Variants in OGDHL observed in about 807,000 individuals in gnomAD.
OGDHL encodes the protein oxoglutarate dehydrogenase L.
In OGDHL, 79 loss-of-function variants were observed where a neutral mutation model predicts 109.6. That is an observed-to-expected ratio of 0.72 (90% CI 0.60 to 0.87). The LOEUF is 0.87. OGDHL is among the 40% of genes least tolerant of loss of function. OGDHL has a pLI of 0.00. For missense variants in OGDHL, 1,275 were observed against 1,362.2 expected (o/e 0.94, Z 1.01); for synonymous variants, 528 against 537.2 (o/e 0.98, Z 0.24).
rs775448655 is a variant in OGDHL, at chr10:49,736,063, G to A, written c.2869C>T (p.Pro957Ser). 60 of 1,608,246 alleles carry A rather than the reference G, an allele frequency of 3.7e-5. No individual in the cohort carries two copies. The highest frequency in any genetic ancestry group is 4.9e-5 in the Non-Finnish European group (58 of 1,177,166). ...CGCCTCAGGATGGTCATGAAGCGTG[G>A]GCTGATGTAGTCATAGTAGCCCATG... ...KNMGYYDYIS[P>S]RFMTILRRAR... The change falls in exon 22 of 23, where the codon CCA becomes TCA. Residue 957 changes from proline to serine, a missense_variant. Pro to Ser is a moderately conservative substitution (Grantham distance 74, BLOSUM62 -1). Coordinates refer to ENST00000374103, the MANE Select transcript of OGDHL (RefSeq NM_018245.3).
chr10:49,754,148 A>G (rs1245908637), intron 3 of OGDHL, among the ~76,000 whole-genome samples: 1 of 152,188 alleles, frequency 6.6e-6, no homozygotes, highest in Non-Finnish European at 1.5e-5. Context: ...AACCAATAGC[A>G]GGAAACAGCC....
At position 49,738,063 on chromosome 10, in the gene OGDHL, T is replaced by C. The variant is rs776308405; in HGVS notation, c.2401A>G (p.Lys801Glu). Residue 801 changes from lysine (K) to glutamate (E), a missense_variant, in exon 19 of 23, where the codon AAG (lysine) becomes GAG (glutamate). By Grantham distance (56) the Lys-to-Glu change is moderately conservative. Coordinates refer to ENST00000374103, the MANE Select transcript of OGDHL (RefSeq NM_018245.3). ...DDSDAYPAFTKDFEVSQLYDC... is the reference protein window; with the variant it reads ...DDSDAYPAFTEDFEVSQLYDC... The stretch of plus-strand genomic sequence containing the variant: ...TAGAGCTGGCTCACCTCGAAGTCCT[T>C]GGTGAATGCCTGTGGGGACGAGATG... 5.0e-6 allele frequency: 8 copies of C among 1,614,132 alleles called. No individual in the cohort carries two copies. Among genetic ancestry groups the C allele is most frequent in the South Asian group, 2.2e-5 (2 of 91,088 alleles).
At position 49,746,838 on chromosome 10, in the gene OGDHL, C is replaced by T. The variant is rs1842221910; in HGVS notation, c.1208G>A (p.Gly403Asp). Reference protein sequence around the residue: ...ILVHGDAAFAGQGVVYETFHL... With the variant: ...ILVHGDAAFADQGVVYETFHL... ...GAAGGTCTCATATACCACGCCCTGG[C>T]CAGCAAAGGCGGCGTCCCCATGAAC... The change falls in exon 10 of 23, where the codon GGC (glycine) becomes GAC (aspartate). Residue 403 changes from glycine to aspartate, a missense_variant. By Grantham distance (94) the Gly-to-Asp change is moderately conservative (BLOSUM62 -1). Coordinates refer to ENST00000374103, the MANE Select transcript of OGDHL (RefSeq NM_018245.3). 1 of 1,613,904 alleles carries T rather than the reference C, an allele frequency of 6.2e-7. No homozygotes were observed. The highest frequency in any genetic ancestry group is 8.5e-7 in the Non-Finnish European group (1 of 1,180,002).
At chr10:49,757,567 G>A (rs1842991153) in intron 2 of OGDHL, among the ~76,000 whole-genome samples, 1 of 152,288 alleles carries the variant, frequency 6.6e-6, no homozygotes, top group African/African-American at 2.4e-5. Flanking sequence ...GTAAGATGAT[G>A]CACTGCAGCA....
At position 49,750,970 on chromosome 10, in the gene OGDHL, C is replaced by T; in HGVS notation, c.765G>A (p.Leu255=). 6.2e-7 allele frequency: 1 copy of T among 1,605,446 alleles called. No homozygotes were observed. Among genetic ancestry groups the T allele is most frequent in the African/African-American group, 1.3e-5 (1 of 74,902 alleles). ...GCTTCTCTGAGGACCATTTCCGGGCCAGGAAGTCTTCAAACCTGCTTGGGG... is the reference window on the plus strand; with the variant it reads ...GCTTCTCTGAGGACCATTTCCGGGCTAGGAAGTCTTCAAACCTGCTTGGGG... ...LVRSMRFEDF[L]ARKWSSEKRF... The change falls in exon 7 of 23, where the codon CTG becomes CTA. Residue 255 remains leucine (L), a synonymous_variant. Coordinates refer to ENST00000374103, the MANE Select transcript of OGDHL (RefSeq NM_018245.3).
At chr10:49,747,525 G>A (rs940457029) in intron 8 of OGDHL, among the ~76,000 whole-genome samples, 12 of 152,180 alleles carry the variant, frequency 7.9e-5, no homozygotes, top group Admixed American at 2.6e-4. Context: ...AGGCATCAGC[G>A]CAGAGACCCT....
chr10:49,752,727 T>C lies in OGDHL; in HGVS notation c.389A>G (p.His130Arg). 1 of 1,613,796 alleles carries C rather than the reference T, an allele frequency of 6.2e-7. No individual in the cohort carries two copies. The highest frequency in any genetic ancestry group is 8.5e-7 in the Non-Finnish European group (1 of 1,179,736). The change falls in exon 4 of 23, where the codon CAT becomes CGT. Residue 130 changes from histidine to arginine, a missense_variant. By Grantham distance (29) the His-to-Arg change is conservative. Transcript: ENST00000374103. The part of the protein sequence containing the change: ...LIRAYQIRGH[H>R]VAQLDPLGIL... ...GCCCAGGGGGTCCAGCTGGGCCACA[T>C]GGTGACCCCGGATCTGGGAGGAGGG...
At chr10:49,743,730 G>A (rs906404268) in intron 14 of OGDHL, 28 of 330,568 alleles carry the variant, frequency 8.5e-5, no homozygotes, top group African/African-American at 4.0e-4. Context: ...AAAGGCATTT[G>A]GAAAATCCAA....
At chr10:49,738,373 G>A in intron 17 of OGDHL, 111 bp from the exon 18 acceptor site, 1 of 1,095,684 alleles carries the variant, frequency 9.1e-7, no homozygotes, top group Non-Finnish European at 1.3e-6. Flanking sequence ...CAGCAGAGGT[G>A]CCCTCACCCT....
intron 17 of OGDHL, 31 bp from the exon 18 acceptor site, chr10:49,738,293 G>C: frequency 6.2e-7 from 1 of 1,611,180 alleles, no homozygotes; most frequent in African/African-American, 1.3e-5. Flanking sequence ...GCCAAGGCTG[G>C]ACCCCACCAT....
chr10:49,747,734 G>A (rs532831448), intron 8 of OGDHL, among the ~76,000 whole-genome samples: 12 of 152,302 alleles, frequency 7.9e-5, no homozygotes, highest in Admixed American at 5.2e-4. Flanking sequence ...CACGCCCAGC[G>A]ATAGGGGAAA....
intron 13 of OGDHL, 83 bp from the exon 14 acceptor site, chr10:49,744,205 TG>T: frequency 6.5e-7 from 1 of 1,526,822 alleles, no homozygotes; most frequent in Non-Finnish European, 8.8e-7. Context: ...CAGGACTGAG[TG>T]GCCCATGGCT....
At chr10:49,748,730 G>A (rs1314914180) in intron 8 of OGDHL, among the ~76,000 whole-genome samples, 2 of 137,898 alleles carry the variant, frequency 1.5e-5, no homozygotes, top group African/African-American at 5.7e-5. Context: ...ATAGGAGCCA[G>A]TAGGTATGGG....
chr10:49,744,777 C>T, intron 12 of OGDHL, 25 bp from the exon 13 acceptor site: 1 of 1,595,796 alleles, frequency 6.3e-7, no homozygotes, highest in African/African-American at 1.3e-5. Context: ...AAGATGTGGA[C>T]AGAGCACCAA....
chr10:49,757,488 T>C (rs1226976597), intron 2 of OGDHL, among the ~76,000 whole-genome samples: 1 of 152,246 alleles, frequency 6.6e-6, no homozygotes, highest in Non-Finnish European at 1.5e-5. Flanking sequence ...CAGCCACTCC[T>C]GGACCCAACT....
chr10:49,760,521 A>G (rs1843205602), intron 1 of OGDHL, among the ~76,000 whole-genome samples: 1 of 152,228 alleles, frequency 6.6e-6, no homozygotes, highest in East Asian at 1.9e-4. Flanking sequence ...TAGAGCATCA[A>G]AAAGAATCCA....
At chr10:49,735,420 G>C in intron 22 of OGDHL, 69 bp from the exon 23 acceptor site, 2 of 1,554,760 alleles carry the variant, frequency 1.3e-6, no homozygotes, top group Non-Finnish European at 1.7e-6. Flanking sequence ...CCCTCACTCC[G>C]GGACTGCAGG....
chr10:49,740,968 C>A, intron 15 of OGDHL, 131 bp from the exon 16 acceptor site: 2 of 1,154,530 alleles, frequency 1.7e-6, no homozygotes, highest in Non-Finnish European at 2.5e-6. Context: ...CAGGGTCCCA[C>A]AACATGGCAT....
At chr10:49,750,760 G>C (rs1291955880) in intron 7 of OGDHL, 79 bp downstream of exon 7, 2 of 1,483,002 alleles carry the variant, frequency 1.3e-6, no homozygotes, top group Non-Finnish European at 1.8e-6. Flanking sequence ...CCTCCGCTCT[G>C]ATTTCCATCT....
Sources: allele counts gnomAD v4.1 joint callset (sites outside exome capture counted in the v4.1 genomes callset), GRCh38; gene constraint gnomAD v4.1.1; transcripts MANE v1.5; gene names NCBI Gene and HGNC (gene_info 2026-07-23, HGNC 2026-07-21).